MAST1: variants seen among roughly 807,000 people sequenced by gnomAD.
MAST1 encodes microtubule associated serine/threonine kinase 1.
Under a neutral mutation model 124.6 loss-of-function variants are expected in MAST1, and 40 were observed. The ratio of observed to expected loss-of-function variants is 0.32; its 90% CI spans 0.25 to 0.42. MAST1 has a LOEUF of 0.42. Among genes scored for constraint, MAST1 ranks in the 10% least tolerant of loss-of-function variants. The probability of loss-of-function intolerance (pLI) is 1.00; values close to 1 mark genes in which losing one functional copy is unlikely to be tolerated. For synonymous variants in MAST1, 938 were observed against 939.4 expected (o/e 1.00, Z 0.03); for missense variants, 1,558 against 2,181.9 (o/e 0.71, Z 5.70).
Position 12,865,533 on chromosome 19 carries a change from G to A in MAST1, c.1804+52G>A, listed in dbSNP as rs370338857. ...CAGAGTGTGGTGTGCACGGAGAGAT[G>A]GACAGGCTCAGGGTTCCAGGGATTT... is the stretch of plus-strand genomic sequence containing the variant. On this transcript the variant is annotated intron_variant, in intron 15 of 25. Transcript: ENST00000251472. This position sits in a 1 kb window ranked among gnomAD's most constrained non-coding sequence, Gnocchi z 7.1. 131 of 1,535,772 alleles carry A rather than the reference G, an allele frequency of 8.5e-5. No individual in the cohort carries two copies. The African/African-American group carries it at 1.7e-3, about 20-fold the overall frequency.
At chr19:12,842,664 C>T (rs148189592) in intron 3 of MAST1, among the ~76,000 whole-genome samples, 14 of 152,240 alleles carry the variant, frequency 9.2e-5, no homozygotes, top group Admixed American at 6.5e-4. Context: ...CATGAGCACG[C>T]GCCGATGTGT....
chr19:12,870,661 T>TA (rs1970221150), intron 22 of MAST1, among the ~76,000 whole-genome samples, 163 bp from the exon 23 acceptor site: 1 of 69,000 alleles, frequency 1.4e-5, no homozygotes, highest in African/African-American at 5.6e-5. Context: ...TGAGACTCCG[T>TA]CCAAAAAAAA....
At chr19:12,848,445 C>T (rs1222508563) in intron 7 of MAST1, 4 of 200,758 alleles carry the variant, frequency 2.0e-5, no homozygotes, top group Non-Finnish European at 3.1e-5. Context: ...CGGTGACACC[C>T]CGTCTCTACT....
chr19:12,870,439 C>A (rs11672387), intron 22 of MAST1, among the ~76,000 whole-genome samples: 1 of 147,662 alleles, frequency 6.8e-6, no homozygotes. Context: ...TGCAGTGAGC[C>A]GACATCGCGC....
In MAST1 at chr19:12,858,635, T is replaced by A. The variant is rs1376850088; in HGVS notation, c.1262T>A (p.Val421Glu). The A allele has an allele frequency of 1.2e-6, 2 of 1,614,228 alleles. No homozygotes were observed. ...ILRNQIQQAF[V>E]ERDILTFAEN... is the part of the protein sequence containing the mutation. ...CGCAACCAGATCCAGCAGGCCTTTGTGGAGCGCGATATCCTCACCTTCGCC... is the reference window on the plus strand; with the variant it reads ...CGCAACCAGATCCAGCAGGCCTTTGAGGAGCGCGATATCCTCACCTTCGCC... Residue 421 changes from valine (V) to glutamate (E), a missense_variant, in exon 12 of 26, where the codon GTG (valine) becomes GAG (glutamate). Physicochemically the swap from Val to Glu is moderately radical, Grantham distance 121. Transcript: ENST00000251472.
rs201497430 is a variant in MAST1, at chr19:12,843,535, C to A, written c.255C>A (p.Asp85Glu). The A allele has an allele frequency of 1.2e-6, 2 of 1,613,116 alleles. No individual in the cohort carries two copies. Among genetic ancestry groups the A allele is most frequent in the Non-Finnish European group, 8.5e-7 (1 of 1,179,652 alleles). The change falls in exon 4 of 26, where the codon GAC becomes GAA. Residue 85 changes from aspartate to glutamate, a missense_variant. Physicochemically the swap from Asp to Glu is conservative, Grantham distance 45 (BLOSUM62 2). Coordinates refer to ENST00000251472, the MANE Select transcript of MAST1 (RefSeq NM_014975.3). This position sits in a 1 kb window ranked among gnomAD's most constrained non-coding sequence, Gnocchi z 4.9. ...CACCTTGGCTGGGTTCCAGGGCGGA[C>A]GGACGCCGGTGGTCTCTGGCCTCGC... Reference protein sequence around the residue: ...HFSFASSRRADGRRWSLASLP... With the variant: ...HFSFASSRRAEGRRWSLASLP...
Position 12,866,120 on chromosome 19 carries a change from G to A in MAST1, c.2029+18G>A, listed in dbSNP as rs759386514. 1.9e-6 allele frequency: 3 copies of A among 1,613,498 alleles called. No individual in the cohort carries two copies. The highest frequency in any genetic ancestry group is 2.5e-6 in the Non-Finnish European group (3 of 1,179,998). ...CTTTGACAGTGAGCTGGGACACCAG[G>A]CACGACCTGGGTCGAGGGGTGGGAT... On this transcript the variant is annotated intron_variant, in intron 17 of 25. Transcript: ENST00000251472. This position sits in a 1 kb window ranked among gnomAD's most constrained non-coding sequence, Gnocchi z 5.2.
In MAST1 at chr19:12,874,091, G is replaced by C. The variant is rs1182851556; in HGVS notation, c.3934G>C (p.Gly1312Arg). The C allele has an allele frequency of 2.6e-6, 4 of 1,567,940 alleles. No individual in the cohort carries two copies. The highest frequency in any genetic ancestry group is 2.6e-6 in the Non-Finnish European group (3 of 1,159,776). Residue 1312 changes from glycine (G) to arginine (R), a missense_variant, in exon 26 of 26, where the codon GGT (glycine) becomes CGT (arginine). Gly to Arg is a moderately radical substitution (Grantham distance 125). Coordinates refer to ENST00000251472, the MANE Select transcript of MAST1 (RefSeq NM_014975.3). The surrounding 1 kb of genome is among the most constrained non-coding windows in gnomAD (Gnocchi z 6.6). ...LALHSLAESD[G>R]ETPPVEGLGA... ...GCTGCATAGCCTTGCCGAGTCCGAC[G>C]GTGAGACGCCCCCAGTCGAGGGCCT...
intron 11 of MAST1, 43 bp downstream of exon 11, chr19:12,858,484 C>T: frequency 2.5e-6 from 4 of 1,611,786 alleles, no homozygotes; most frequent in Non-Finnish European, 3.4e-6. Context: ...TGGCGGAGGC[C>T]GGGTGTCTCG....
At chr19:12,867,706 C>A in intron 19 of MAST1, 24 bp from the exon 20 acceptor site, 3 of 1,533,960 alleles carry the variant, frequency 2.0e-6, no homozygotes, top group Non-Finnish European at 2.6e-6. Context: ...GCGTGTCTTC[C>A]ATAACCACGC....
chr19:12,872,495 G>A (rs915732269), intron 24 of MAST1, among the ~76,000 whole-genome samples: 7 of 152,012 alleles, frequency 4.6e-5, no homozygotes, highest in African/African-American at 1.7e-4. Flanking sequence ...GACCTGAAGT[G>A]GGAGGAGGGA....
At position 12,852,183 on chromosome 19, in the gene MAST1, T is replaced by A. The variant is rs776099276; in HGVS notation, c.945T>A (p.Leu315=). 3.3e-5 allele frequency: 54 copies of A among 1,614,052 alleles called. No homozygotes were observed. Among genetic ancestry groups the A allele is most frequent in the Non-Finnish European group, 4.6e-5 (54 of 1,180,012 alleles). The part of the protein sequence containing the change: ...AAEGHAKEGH[L]VKTDIPRYII... ...AAGGACACGCCAAGGAGGGCCACCT[T>A]GTGAAGACGGACATCCCCCGCTACA... Residue 315 remains leucine, a synonymous_variant, in exon 9 of 26, where the codon CTT becomes CTA. Coordinates refer to ENST00000251472, the MANE Select transcript of MAST1 (RefSeq NM_014975.3).
rs761338921 is a variant in MAST1 at position 12,873,742 on chromosome 19, A to T, written c.3585A>T (p.Arg1195=). Residue 1195 remains arginine, a synonymous_variant, in exon 26 of 26, where the codon CGA becomes CGT. Coordinates refer to ENST00000251472, the MANE Select transcript of MAST1 (RefSeq NM_014975.3). ...TCCATCGCCAGTACCGCTCTGCGCG[A>T]TGCAAGTCGGCCGGCAACATCCCTC... ...PKLHRQYRSA[R]CKSAGNIPLS... 5 of 1,602,042 alleles carry T rather than the reference A, an allele frequency of 3.1e-6. No individual in the cohort carries two copies. The highest frequency in any genetic ancestry group is 1.3e-5 in the African/African-American group (1 of 74,900).
Position 12,843,414 on chromosome 19 carries a change from C to A in MAST1, c.249-115C>A. 2.8e-6 allele frequency: 2 copies of A among 704,190 alleles called. No homozygotes were observed. Among genetic ancestry groups the A allele is most frequent in the South Asian group, 1.7e-5 (1 of 58,542 alleles). 43.6% of individuals were successfully genotyped at this position (704,190 alleles called of 1,614,324 possible). The stretch of plus-strand genomic sequence containing the variant: ...GAGGGCCTTGAGGAATCTTAGAGTG[C>A]AGATATATTCCCCCAACCCCCACCC... On this transcript the variant is annotated intron_variant, in intron 3 of 25. Transcript: ENST00000251472. The surrounding 1 kb of genome is among the most constrained non-coding windows in gnomAD (Gnocchi z 4.9).
intron 10 of MAST1, among the ~76,000 whole-genome samples, chr19:12,856,225 G>A (rs1252638514): frequency 6.7e-6 from 1 of 148,878 alleles, no homozygotes; most frequent in Non-Finnish European, 1.5e-5. Context: ...AAGATATACA[G>A]TGAAAAAAAT....
chr19:12,857,315 TCAGGTGATCCACCAGCCTCAGCCTCC>T (rs1389002735), intron 10 of MAST1, among the ~76,000 whole-genome samples: 3 of 152,066 alleles, frequency 2.0e-5, no homozygotes, highest in African/African-American at 4.8e-5. Context: ...GCTCCTGACC[TCAGGTGATCCACCAGCCTCAGCCTCC>T]CAGGTGATCC....
intron 22 of MAST1, among the ~76,000 whole-genome samples, chr19:12,870,180 CAAAAAAAAAAA>C (rs35731863): frequency 3.3e-5 from 1 of 30,610 alleles, no homozygotes. Context: ...GACACCATCT[CAAAAAAAAAAA>C]AAAAAAAAAA....
chr19:12,839,365 A>G (rs939887724), intron 1 of MAST1, among the ~76,000 whole-genome samples: 13 of 152,164 alleles, frequency 8.5e-5, no homozygotes, highest in African/African-American at 3.1e-4. Flanking sequence ...TGTCACTTAC[A>G]TGGCGATCCA....
At chr19:12,870,472 C>CAG (rs1169578611) in intron 22 of MAST1, among the ~76,000 whole-genome samples, 6 of 133,224 alleles carry the variant, frequency 4.5e-5, no homozygotes. Flanking sequence ...GCCTGGGTGA[C>CAG]AGAGCGAGAG....
Sources: gnomAD v4.1 joint callset for allele counts (sites outside exome capture counted in the v4.1 genomes callset) on GRCh38, gnomAD v4.1.1 for gene constraint, Gnocchi (gnomAD v3.1) non-coding constraint, MANE v1.5 for transcripts, NCBI Gene and HGNC (gene_info 2026-07-23, HGNC 2026-07-21) for gene names.